HPS3: variants seen among roughly 807,000 people sequenced by gnomAD.
The protein encoded by HPS3 is HPS3 biogenesis of lysosomal organelles complex 2 subunit 1.
A neutral mutation model predicts 110.9 loss-of-function variants in HPS3; 79 were observed. The observed-to-expected ratio is 0.71, with a 90% CI of 0.59 to 0.86. The LOEUF is 0.86. Ranked by LOEUF, HPS3 falls within the 40% of genes least tolerant of loss-of-function variation. HPS3 has a pLI of 0.00. For synonymous variants in HPS3, 428 were observed against 451.0 expected, an observed-to-expected ratio of 0.95 and a Z score of 0.65; for missense variants, 1,197 against 1,206.2, an observed-to-expected ratio of 0.99 and a Z score of 0.11.
Position 149,140,144 on chromosome 3 carries a change from G to C in HPS3, c.358G>C (p.Ala120Pro). 1 of 1,614,048 alleles carries C rather than the reference G, an allele frequency of 6.2e-7. No homozygotes were observed. The highest frequency in any genetic ancestry group is 8.5e-7 in the Non-Finnish European group (1 of 1,179,950). ...TAATGTGGAGGGACCATTCAGCAAA[G>C]CCTTCAGAGACCAGATGTACATTAT... is the stretch of plus-strand genomic sequence containing the variant. ...GHNVEGPFSK[A>P]FRDQMYIIEM... Residue 120 changes from alanine to proline, a missense_variant, in exon 2 of 17, where the codon GCC (alanine) becomes CCC (proline). Ala to Pro is a conservative substitution (Grantham distance 27). Transcript: ENST00000296051.
chr3:149,165,534 A>G (rs1010817134), intron 14 of HPS3, among the ~76,000 whole-genome samples: 1 of 151,864 alleles, frequency 6.6e-6, no homozygotes, highest in African/African-American at 2.4e-5. Flanking sequence ...ATTGGAGTGC[A>G]GTGGCAGTCA....
intron 1 of HPS3, among the ~76,000 whole-genome samples, chr3:149,137,990 A>G (rs1225644287): frequency 6.6e-6 from 1 of 151,612 alleles, no homozygotes; most frequent in Non-Finnish European, 1.5e-5. Flanking sequence ...TCGTACTACA[A>G]TAAAAAAAAT....
Position 149,167,201 on chromosome 3 carries a change from C to A in HPS3, c.2757C>A (p.Val919=). 1 of 1,613,736 alleles carries A rather than the reference C, an allele frequency of 6.2e-7. No homozygotes were observed. Among genetic ancestry groups the A allele is most frequent in the South Asian group, 1.1e-5 (1 of 91,054 alleles). Residue 919 remains valine, a synonymous_variant, in exon 15 of 17, where the codon GTC becomes GTA. Coordinates refer to ENST00000296051, the MANE Select transcript of HPS3 (RefSeq NM_032383.5). ...TGTTAGAGAGATGCCCGGAGGCAGT[C>A]ATTCCATATGCTAATCATGAACTGA... ...DILLERCPEA[V]IPYANHELKE... is the part of the protein sequence containing the mutation.
Position 149,172,232 on chromosome 3 carries a change from T to A in HPS3, c.*10T>A, listed in dbSNP as rs773202573. On this transcript the variant is annotated 3_prime_UTR_variant, in exon 17 of 17. Transcript: ENST00000296051. Reference sequence around the variant, plus strand: ...GAAACCATTGACTTAAAGGTATCATTTGAAAAATACCATAATGGCATTTGA... The same window carrying A: ...GAAACCATTGACTTAAAGGTATCATATGAAAAATACCATAATGGCATTTGA... The A allele has an allele frequency of 1.2e-6, 2 of 1,611,542 alleles. No individual in the cohort carries two copies. The highest frequency in any genetic ancestry group is 1.1e-5 in the South Asian group (1 of 90,950).
At chr3:149,140,938 C>A in intron 2 of HPS3, 79 bp from the exon 3 acceptor site, 1 of 1,275,272 alleles carries the variant, frequency 7.8e-7, no homozygotes, top group Non-Finnish European at 1.1e-6. Context: ...AATGAAATTA[C>A]TATATGTCTA....
In HPS3 at chr3:149,172,317, A is replaced by C. The variant is rs1013031553; in HGVS notation, c.*95A>C. 3.0e-4 allele frequency: 190 copies of C among 640,858 alleles called. 1 individual carries two copies. The highest frequency in any genetic ancestry group is 4.3e-4 in the Non-Finnish European group (163 of 381,746). 39.7% of individuals were successfully genotyped at this position (640,858 alleles called of 1,614,324 possible). ...AGTAGAGGAGTTTTTTATTTTATATATCACACACACACACACACACACACA... is the reference window on the plus strand; with the variant it reads ...AGTAGAGGAGTTTTTTATTTTATATCTCACACACACACACACACACACACA... On this transcript the variant is annotated 3_prime_UTR_variant, in exon 17 of 17. Coordinates refer to ENST00000296051, the MANE Select transcript of HPS3 (RefSeq NM_032383.5).
chr3:149,145,679 T>C (rs2046521483), intron 5 of HPS3, 133 bp downstream of exon 5: 3 of 789,724 alleles, frequency 3.8e-6, no homozygotes, highest in Non-Finnish European at 4.5e-6. Flanking sequence ...TCATTGTAAG[T>C]CTGTCTTTTG....
At position 149,172,355 on chromosome 3, in the gene HPS3, C is replaced by A; in HGVS notation, c.*133C>A. 1 of 619,318 alleles carries A rather than the reference C, an allele frequency of 1.6e-6. No individual in the cohort carries two copies. 38.4% of individuals were successfully genotyped at this position (619,318 alleles called of 1,614,324 possible). A position where few individuals can be genotyped will look rare whatever the true frequency, so the allele number is the denominator to read the frequency against. On this transcript the variant is annotated 3_prime_UTR_variant, in exon 17 of 17. Transcript: ENST00000296051. The stretch of plus-strand genomic sequence containing the variant: ...ACACACACACACACACACACACACA[C>A]ATATATGATACAAATGCTTTCAGGC...
rs765786180 is a variant in HPS3 at position 149,162,299 on chromosome 3, A to C, written c.2258A>C (p.Lys753Thr). ...ASVLGLQKNN[K>T]IGIEEADSFF... The stretch of plus-strand genomic sequence containing the variant: ...GTTCTGGGCTTGCAGAAGAACAACA[A>C]AATTGGAATTGAAGAAGCAGATTCC... The change falls in exon 12 of 17, where the codon AAA (lysine) becomes ACA (threonine). Residue 753 changes from lysine (K) to threonine (T), a missense_variant. By Grantham distance (78) the Lys-to-Thr change is moderately conservative. Transcript: ENST00000296051. The C allele has an allele frequency of 1.2e-6, 2 of 1,614,048 alleles. No individual in the cohort carries two copies. Among genetic ancestry groups the C allele is most frequent in the South Asian group, 1.1e-5 (1 of 91,090 alleles).
chr3:149,151,705 A>T (rs967683475), intron 6 of HPS3, among the ~76,000 whole-genome samples: 1 of 151,278 alleles, frequency 6.6e-6, no homozygotes, highest in African/African-American at 2.4e-5. Context: ...AAATACACTG[A>T]TCATTTACAT....
intron 1 of HPS3, among the ~76,000 whole-genome samples, chr3:149,131,990 T>A (rs1192649981): frequency 6.6e-6 from 1 of 152,190 alleles, no homozygotes; most frequent in Non-Finnish European, 1.5e-5. Flanking sequence ...TGTTCAACTC[T>A]GTGAATGCTG....
intron 8 of HPS3, among the ~76,000 whole-genome samples, chr3:149,156,454 C>T (rs1723461484): frequency 6.6e-6 from 1 of 152,132 alleles, no homozygotes; most frequent in Non-Finnish European, 1.5e-5. Context: ...GTCTCTTTAG[C>T]CTCCTTTGAA....
At position 149,141,091 on chromosome 3, in the gene HPS3, G is replaced by GA; in HGVS notation, c.793dup (p.Ser265LysfsTer2). On this transcript the variant is annotated frameshift_variant, in exon 3 of 17. Coordinates refer to ENST00000296051, the MANE Select transcript of HPS3 (RefSeq NM_032383.5). LOFTEE classifies it high-confidence loss of function. ...CCAGAAGCCCCTGGAACTTCTTGGT[G>GA]AAAAAAGTGAACAGTCTGGATTATC... is the stretch of plus-strand genomic sequence containing the variant. 1 of 1,613,358 alleles carries GA rather than the reference G, an allele frequency of 6.2e-7. No individual in the cohort carries two copies. Among genetic ancestry groups the GA allele is most frequent in the Non-Finnish European group, 8.5e-7 (1 of 1,179,800 alleles).
chr3:149,168,062 A>T (rs559215939), intron 16 of HPS3, 79 bp downstream of exon 16: 8 of 902,054 alleles, frequency 8.9e-6, no homozygotes, highest in Middle Eastern at 3.0e-4. Flanking sequence ...AAGTATTTTC[A>T]TGTGATTCTC....
intron 1 of HPS3, among the ~76,000 whole-genome samples, chr3:149,139,181 G>A (rs975971064): frequency 3.3e-5 from 5 of 152,174 alleles, no homozygotes; most frequent in East Asian, 3.8e-4. Context: ...ATGGGATGTT[G>A]AACATATTGA....
intron 6 of HPS3, among the ~76,000 whole-genome samples, chr3:149,151,705 A>G (rs967683475): frequency 6.6e-6 from 1 of 151,278 alleles, no homozygotes; most frequent in African/African-American, 2.4e-5. Context: ...AAATACACTG[A>G]TCATTTACAT....
At position 149,153,265 on chromosome 3, in the gene HPS3, G is replaced by A. The variant is rs573020762; in HGVS notation, c.1246-229G>A. 7.9e-4 allele frequency among the ~76,000 whole-genome samples: 121 copies of A among 152,278 alleles called. 1 individual carries two copies. Among genetic ancestry groups the A allele is most frequent in the African/African-American group, 2.9e-3 (119 of 41,562 alleles). ...CAATCAATCAATAACTGAGTTTGTT[G>A]GCTGAGTAGCTCTATGGAATACACT... On this transcript the variant is annotated intron_variant, in intron 6 of 16. Coordinates refer to ENST00000296051, the MANE Select transcript of HPS3 (RefSeq NM_032383.5).
chr3:149,130,177 C>T (rs1721673084), intron 1 of HPS3: 2 of 578,498 alleles, frequency 3.5e-6, no homozygotes, highest in Non-Finnish European at 6.2e-6. Context: ...GCTGACATCT[C>T]TTCGTCTTGG....
At chr3:149,162,971 C>T in intron 13 of HPS3, 93 bp downstream of exon 13, 1 of 1,087,704 alleles carries the variant, frequency 9.2e-7, no homozygotes, top group South Asian at 1.3e-5. Context: ...AAAATCTAAC[C>T]TAGTTTTCTA....
Sources: allele counts gnomAD v4.1 joint callset (sites outside exome capture counted in the v4.1 genomes callset), GRCh38; gene constraint gnomAD v4.1.1; transcripts MANE v1.5; gene names NCBI Gene and HGNC (gene_info 2026-07-23, HGNC 2026-07-21).